SPRED2: variants seen among roughly 807,000 people sequenced by gnomAD.
SPRED2 encodes the protein sprouty related EVH1 domain containing 2, also known as sprouty-related, EVH1 domain-containing protein 2.
Under a neutral mutation model 43.0 loss-of-function variants are expected in SPRED2, and 47 were observed. The observed-to-expected ratio is 1.09, with a 90% CI of 0.87 to 1.40. SPRED2 has a LOEUF of 1.40. SPRED2 is among the 40% of genes most tolerant of loss of function. SPRED2 has a pLI of 0.00. For missense variants in SPRED2, 561 were observed against 586.4 expected (o/e 0.96, Z 0.45); for synonymous variants, 225 against 225.7 (o/e 1.00, Z 0.03).
intron 1 of SPRED2, among the ~76,000 whole-genome samples, chr2:65,410,068 A>C (rs1407818514): frequency 6.6e-6 from 1 of 151,874 alleles, no homozygotes; most frequent in Non-Finnish European, 1.5e-5. Flanking sequence ...AATGCAAAAA[A>C]AAAGTATAAC....
chr2:65,310,458 T>TACAC (rs55916427), downstream of SPRED2, among the ~76,000 whole-genome samples: 2,313 of 137,944 alleles, frequency 0.017, 21 homozygotes, highest in East Asian at 0.058. Context: ...TCCTCCAAAC[T>TACAC]ACACACACAC....
intron 1 of SPRED2, among the ~76,000 whole-genome samples, chr2:65,427,304 C>T (rs1469691704): frequency 6.6e-6 from 1 of 152,098 alleles, no homozygotes; most frequent in Non-Finnish European, 1.5e-5. Flanking sequence ...GTTTTCCTGG[C>T]CTCAAGCTAT....
chr2:65,313,645 G>A lies in SPRED2; in HGVS notation c.1113C>T (p.Asp371=). 7 of 1,614,176 alleles carry A rather than the reference G, an allele frequency of 4.3e-6. No individual in the cohort carries two copies. Among genetic ancestry groups the A allele is most frequent in the Non-Finnish European group, 5.9e-6 (7 of 1,180,018 alleles). Reference sequence around the variant, plus strand: ...CCATCCACCGGAGGCAAAACTTCTCGTCGCTAGTATCGCACGAGCAAGGGT... The same window carrying A: ...CCATCCACCGGAGGCAAAACTTCTCATCGCTAGTATCGCACGAGCAAGGGT... ...YTDPCSCDTS[D]EKFCLRWMAL... Residue 371 remains aspartate, a synonymous_variant, in exon 6 of 6, where the codon GAC becomes GAT. Transcript: ENST00000356388.
At chr2:65,363,239 CAAAAAAAAAA>C (rs141094707) in intron 1 of SPRED2, among the ~76,000 whole-genome samples, 1 of 103,090 alleles carries the variant, frequency 9.7e-6, no homozygotes, top group African/African-American at 4.0e-5. Context: ...AACTCCGTCT[CAAAAAAAAAA>C]AAAAAAAAAA....
intron 1 of SPRED2, among the ~76,000 whole-genome samples, chr2:65,360,147 C>T (rs546111192): frequency 6.9e-6 from 1 of 145,114 alleles, no homozygotes; most frequent in Admixed American, 6.8e-5. Context: ...CAAGACAGGA[C>T]AACCAAGTGG....
At chr2:65,382,750 G>C (rs1442584932) in intron 1 of SPRED2, among the ~76,000 whole-genome samples, 1 of 151,302 alleles carries the variant, frequency 6.6e-6, no homozygotes, top group East Asian at 1.9e-4. Flanking sequence ...TTTTCTTTTT[G>C]TAATAAGGCT....
At chr2:65,417,500 A>G (rs1350047497) in intron 1 of SPRED2, among the ~76,000 whole-genome samples, 1 of 152,140 alleles carries the variant, frequency 6.6e-6, no homozygotes, top group African/African-American at 2.4e-5. Flanking sequence ...CCTCCACCTC[A>G]TGCAGGGTGT....
In SPRED2 at chr2:65,348,281, C is replaced by T. The variant is rs918908708; in HGVS notation, c.27-3385G>A. 4.6e-5 allele frequency among the ~76,000 whole-genome samples: 7 copies of T among 152,206 alleles called. No homozygotes were observed. The East Asian group carries it at 5.8e-4, about 13-fold the overall frequency. ...CTATATAAAGCAGCATAGCACCCTCCACCCCTCTTAAATCTTCTCCCCTCT... is the reference window on the plus strand; with the variant it reads ...CTATATAAAGCAGCATAGCACCCTCTACCCCTCTTAAATCTTCTCCCCTCT... On this transcript the variant is annotated intron_variant, in intron 1 of 5. Coordinates refer to ENST00000356388, the MANE Select transcript of SPRED2 (RefSeq NM_181784.3).
intron 4 of SPRED2, among the ~76,000 whole-genome samples, chr2:65,320,048 A>T (rs997267629): frequency 9.9e-5 from 15 of 152,186 alleles, no homozygotes; most frequent in Non-Finnish European, 8.8e-5. Context: ...CTGTATACAA[A>T]CCCAGGAGAT....
At chr2:65,362,562 G>A (rs143508793) in intron 1 of SPRED2, among the ~76,000 whole-genome samples, 3,729 of 152,050 alleles carry the variant, frequency 0.025, 63 homozygotes, top group Non-Finnish European at 0.034. Context: ...AAGCCACTGC[G>A]CCCGGCCGTC....
At chr2:65,344,136 C>CAAAA (rs147613284) in intron 2 of SPRED2, 5 of 73,366 alleles carry the variant, frequency 6.8e-5, no homozygotes, top group Admixed American at 1.3e-4. Flanking sequence ...GACTCCGTCT[C>CAAAA]AAAAAAAAAA....
chr2:65,353,987 T>G (rs1476046307), intron 1 of SPRED2, among the ~76,000 whole-genome samples: 5 of 152,148 alleles, frequency 3.3e-5, no homozygotes, highest in Admixed American at 3.3e-4. Flanking sequence ...CTGGCCTCCT[T>G]TCTTTCCTGC....
intron 2 of SPRED2, among the ~76,000 whole-genome samples, chr2:65,340,126 A>G (rs919348198): frequency 2.6e-5 from 4 of 152,364 alleles, no homozygotes; most frequent in African/African-American, 7.2e-5. Flanking sequence ...TATATTAACA[A>G]TACTGTTTAA....
downstream of SPRED2, among the ~76,000 whole-genome samples, chr2:65,309,755 C>A (rs1054355446): frequency 4.6e-5 from 7 of 152,154 alleles, no homozygotes; most frequent in Non-Finnish European, 8.8e-5. Context: ...CCAGTTCCGG[C>A]CTAGCACATA....
intron 1 of SPRED2, among the ~76,000 whole-genome samples, chr2:65,348,199 C>T (rs935374927): frequency 6.6e-6 from 1 of 152,182 alleles, no homozygotes; most frequent in Non-Finnish European, 1.5e-5. Context: ...AGTTCATTCT[C>T]TTATTTCACT....
At chr2:65,360,466 C>T (rs1290191844) in intron 1 of SPRED2, among the ~76,000 whole-genome samples, 1 of 152,262 alleles carries the variant, frequency 6.6e-6, no homozygotes, top group Non-Finnish European at 1.5e-5. Flanking sequence ...GTGGTCCATA[C>T]ATACAATGGA....
intron 1 of SPRED2, among the ~76,000 whole-genome samples, chr2:65,386,242 G>A (rs1048043835): frequency 6.0e-5 from 8 of 133,626 alleles, no homozygotes; most frequent in Admixed American, 2.8e-4. Context: ...CCGAGATCGC[G>A]CCATTGCACT....
chr2:65,321,234 G>C lies in SPRED2; in HGVS notation c.439-4351C>G, dbSNP rs1162018776. On this transcript the variant is annotated intron_variant, in intron 4 of 5. Coordinates refer to ENST00000356388, the MANE Select transcript of SPRED2 (RefSeq NM_181784.3). ...TCTCCTGCTGTGGACACTGAGGCTG[G>C]CATTGCCATCTGGCCCCAGCTGACA... 2.0e-5 allele frequency among the ~76,000 whole-genome samples: 3 copies of C among 152,148 alleles called. No homozygotes were observed. In the East Asian group the frequency reaches 5.8e-4, roughly 29 times the overall value.
chr2:65,404,287 A>G lies in SPRED2; in HGVS notation c.26+27675T>C, dbSNP rs190565592. Among the ~76,000 whole-genome samples, 573 of 152,342 alleles carry G rather than the reference A, an allele frequency of 3.8e-3. 6 individuals carry two copies. Among genetic ancestry groups the G allele is most frequent in the Non-Finnish European group, 4.2e-3 (288 of 68,022 alleles). ...CTTAATTGTTTTAAGAATTATGTGT[A>G]GGCAGGCAACCATGTTAAATAAAGG... On this transcript the variant is annotated intron_variant, in intron 1 of 5. Coordinates refer to ENST00000356388, the MANE Select transcript of SPRED2 (RefSeq NM_181784.3).
Sources: allele counts gnomAD v4.1 joint callset (sites outside exome capture counted in the v4.1 genomes callset), GRCh38; gene constraint gnomAD v4.1.1; transcripts MANE v1.5; gene names NCBI Gene and HGNC (gene_info 2026-07-23, HGNC 2026-07-21).